MIPOL1: variants seen among roughly 807,000 people sequenced by gnomAD.
The protein encoded by MIPOL1 is mirror-image polydactyly 1, also known as mirror-image polydactyly gene 1 protein.
Under a neutral mutation model 60.9 loss-of-function variants are expected in MIPOL1, and 57 were observed. That is an observed-to-expected ratio of 0.94 (90% CI 0.76 to 1.17). The LOEUF is 1.17. MIPOL1 is among the 50% of genes most tolerant of loss of function. The pLI, the probability that MIPOL1 is intolerant of heterozygous loss-of-function variation, is 0.00. For synonymous variants in MIPOL1, 179 were observed against 168.8 expected (o/e 1.06, Z -0.47); for missense variants, 551 against 511.6 (o/e 1.08, Z -0.74).
rs185533403 is a variant in MIPOL1 at position 37,513,448 on chromosome 14, A to T, written c.1262+13310A>T. Among the ~76,000 whole-genome samples, 16 of 152,258 alleles carry T rather than the reference A, an allele frequency of 1.1e-4. No individual in the cohort carries two copies. The East Asian group carries it at 3.1e-3, about 29-fold the overall frequency. On this transcript the variant is annotated intron_variant, in intron 12 of 12. Coordinates refer to ENST00000684589, the MANE Select transcript of MIPOL1 (RefSeq NM_001388067.1). Reference sequence around the variant, plus strand: ...TAAAAACTAAAGAATTTGGGCTTATATCTTAACTATGGGGAATGTCTCATG... The same window carrying T: ...TAAAAACTAAAGAATTTGGGCTTATTTCTTAACTATGGGGAATGTCTCATG...
At chr14:37,490,321 G>A (rs1242518247) in intron 11 of MIPOL1, among the ~76,000 whole-genome samples, 3 of 152,248 alleles carry the variant, frequency 2.0e-5, no homozygotes, top group Admixed American at 6.5e-5. Context: ...TGGTGCATCC[G>A]AGGTCGACCT....
rs77770488 is a variant in MIPOL1, at chr14:37,520,447, A to G, written c.1262+20309A>G. Among the ~76,000 whole-genome samples the G allele has an allele frequency of 7.0e-3, 1,063 of 152,276 alleles. 12 individuals carry two copies. Among genetic ancestry groups the G allele is most frequent in the African/African-American group, 0.025 (1,025 of 41,560 alleles). On this transcript the variant is annotated intron_variant, in intron 12 of 12. Coordinates refer to ENST00000684589, the MANE Select transcript of MIPOL1 (RefSeq NM_001388067.1). ...GCTTAATAAGCCATCTTAATAAGATACCTTAATAAAACTAACCAGTTATTC... is the reference window on the plus strand; with the variant it reads ...GCTTAATAAGCCATCTTAATAAGATGCCTTAATAAAACTAACCAGTTATTC...
chr14:37,204,585 C>T (rs546710689), intron 1 of MIPOL1, among the ~76,000 whole-genome samples: 15 of 152,074 alleles, frequency 9.9e-5, no homozygotes, highest in South Asian at 8.3e-4. Flanking sequence ...TTTTTGCTGC[C>T]GCCATGTGAG....
intron 3 of MIPOL1, among the ~76,000 whole-genome samples, chr14:37,249,355 C>A: frequency 6.6e-6 from 1 of 152,008 alleles, no homozygotes; most frequent in East Asian, 1.9e-4. Flanking sequence ...TTTTTGAGGA[C>A]CGTTCTATAA....
At chr14:37,358,085 C>T (rs887273011) in intron 9 of MIPOL1, among the ~76,000 whole-genome samples, 1 of 151,894 alleles carries the variant, frequency 6.6e-6, no homozygotes, top group African/African-American at 2.4e-5. Context: ...TGAGAACATG[C>T]AGTGTTTGGT....
intron 9 of MIPOL1, among the ~76,000 whole-genome samples, chr14:37,332,749 T>A (rs2089816864): frequency 6.6e-6 from 1 of 152,190 alleles, no homozygotes; most frequent in Non-Finnish European, 1.5e-5. Context: ...AACTTTTTTT[T>A]GGTAATGTCA....
chr14:37,211,360 C>T (rs1253459454), intron 1 of MIPOL1, among the ~76,000 whole-genome samples: 1 of 152,158 alleles, frequency 6.6e-6, no homozygotes. Flanking sequence ...ACTGCTTCCC[C>T]ACTCCCAGCA....
intron 9 of MIPOL1, among the ~76,000 whole-genome samples, chr14:37,356,376 C>T (rs1421408271): frequency 6.6e-6 from 1 of 151,962 alleles, no homozygotes; most frequent in Admixed American, 6.6e-5. Flanking sequence ...CTGTGCCCTG[C>T]CCCCAGAGGT....
intron 7 of MIPOL1, among the ~76,000 whole-genome samples, chr14:37,300,191 G>A (rs1053617341): frequency 6.7e-6 from 1 of 150,292 alleles, no homozygotes; most frequent in Admixed American, 6.7e-5. Flanking sequence ...TCTACTCTTT[G>A]GAAGTAAATC....
At chr14:37,395,083 A>C (rs1056726358) in intron 10 of MIPOL1, among the ~76,000 whole-genome samples, 1 of 152,012 alleles carries the variant, frequency 6.6e-6, no homozygotes, top group African/African-American at 2.4e-5. Context: ...ATTTGGGTTT[A>C]TTTATGGGTT....
chr14:37,447,738 T>C (rs1017431279), intron 11 of MIPOL1, among the ~76,000 whole-genome samples: 10 of 152,182 alleles, frequency 6.6e-5, no homozygotes, highest in Non-Finnish European at 2.9e-5. Flanking sequence ...TGCATTTTAC[T>C]CCCACTGGCA....
chr14:37,452,457 T>A (rs2153576032), intron 11 of MIPOL1, among the ~76,000 whole-genome samples: 1 of 152,320 alleles, frequency 6.6e-6, no homozygotes, highest in Middle Eastern at 3.4e-3. Context: ...TGCAACAATT[T>A]TTAATGCAAG....
At chr14:37,443,458 A>G (rs1399518714) in intron 11 of MIPOL1, among the ~76,000 whole-genome samples, 1 of 36,486 alleles carries the variant, frequency 2.7e-5, no homozygotes, top group East Asian at 9.0e-4. Flanking sequence ...CTATCTCACC[A>G]AAAAAAAAAA....
In MIPOL1 at chr14:37,204,205, C is replaced by G. The variant is rs994743299; in HGVS notation, c.-199+6101C>G. On this transcript the variant is annotated intron_variant, in intron 1 of 12. Coordinates refer to ENST00000684589, the MANE Select transcript of MIPOL1 (RefSeq NM_001388067.1). ...TTCGATTCCAGCCTTTTGAGAGACC[C>G]TGGGCTGGAGGACTTAGCCAAGCAA... 3.9e-5 allele frequency among the ~76,000 whole-genome samples: 6 copies of G among 152,072 alleles called. No homozygotes were observed. The East Asian group carries it at 1.2e-3, about 29-fold the overall frequency.
chr14:37,336,862 T>C (rs931788972), intron 9 of MIPOL1, among the ~76,000 whole-genome samples: 2 of 151,708 alleles, frequency 1.3e-5, no homozygotes, highest in African/African-American at 4.8e-5. Context: ...CCAGGTTCAA[T>C]CGATTCTCCT....
intron 10 of MIPOL1, among the ~76,000 whole-genome samples, chr14:37,417,510 G>A (rs2093792531): frequency 6.6e-6 from 1 of 152,174 alleles, no homozygotes; most frequent in South Asian, 2.1e-4. Context: ...GCCTTCCTGT[G>A]AAGTGGAGGT....
chr14:37,481,560 AACACACACACACACACACACAC>A (rs3062719), intron 11 of MIPOL1, among the ~76,000 whole-genome samples: 21 of 113,198 alleles, frequency 1.9e-4, no homozygotes, highest in East Asian at 1.1e-3. Context: ...GACCCCCCCC[AACACACACACACACACACACAC>A]ACACACACAC....
Position 37,303,717 on chromosome 14 carries a change from TTATTGAC to T in MIPOL1, c.624-4335_624-4329del, listed in dbSNP as rs1049106709. ...TCTTTTTAATTCATTCAGTAAATAT[TTATTGAC>T]TATACTGTGTCAGGTACAGTGCTAG... On this transcript the variant is annotated intron_variant, in intron 7 of 12. Transcript: ENST00000684589. 1.1e-3 allele frequency among the ~76,000 whole-genome samples: 165 copies of T among 152,014 alleles called. 1 individual carries two copies. The highest frequency in any genetic ancestry group is 3.8e-3 in the African/African-American group (156 of 41,554).
chr14:37,321,301 A>G (rs561548351), intron 9 of MIPOL1, among the ~76,000 whole-genome samples: 2 of 152,134 alleles, frequency 1.3e-5, no homozygotes, highest in African/African-American at 4.8e-5. Flanking sequence ...ATTATTATAT[A>G]TGTTGAAATA....
Sources: gnomAD v4.1 joint callset for allele counts (sites outside exome capture counted in the v4.1 genomes callset) on GRCh38, gnomAD v4.1.1 for gene constraint, MANE v1.5 for transcripts, NCBI Gene and HGNC (gene_info 2026-07-23, HGNC 2026-07-21) for gene names.